The following DAB1 variants were observed in gnomAD, a reference collection of about 807,000 sequenced individuals.
The protein encoded by DAB1 is disabled homolog 1.
Under a neutral mutation model 64.6 loss-of-function variants are expected in DAB1, and 15 were observed. The ratio of observed to expected loss-of-function variants is 0.23; its 90% CI spans 0.16 to 0.36. The LOEUF is 0.36. Among genes scored for constraint, DAB1 ranks in the 10% least tolerant of loss-of-function variants. DAB1 has a pLI of 1.00. For synonymous variants in DAB1, 235 were observed against 251.9 expected (o/e 0.93, Z 0.64); for missense variants, 596 against 706.7 (o/e 0.84, Z 1.78).
chr1:58,130,907 C>T (rs1312825471), intron 5 of DAB1, among the ~76,000 whole-genome samples: 1 of 151,278 alleles, frequency 6.6e-6, no homozygotes, highest in Non-Finnish European at 1.5e-5. Context: ...CCTTCATTTC[C>T]ACTTTGGTGA....
intron 2 of DAB1, among the ~76,000 whole-genome samples, chr1:57,238,679 G>C (rs575790025): frequency 1.3e-5 from 2 of 152,144 alleles, no homozygotes; most frequent in Non-Finnish European, 2.9e-5. Context: ...CTTCCTCCAG[G>C]GCATCTGCAC....
chr1:58,364,948 T>C (rs1033323472), intron 3 of DAB1, among the ~76,000 whole-genome samples: 2 of 152,226 alleles, frequency 1.3e-5, no homozygotes, highest in Non-Finnish European at 2.9e-5. Flanking sequence ...TTACTCTGGT[T>C]GCTGTCATTT....
chr1:58,172,622 G>A (rs537026407), intron 4 of DAB1, among the ~76,000 whole-genome samples: 72 of 152,268 alleles, frequency 4.7e-4, no homozygotes, highest in South Asian at 2.1e-3. Context: ...GACTTATGCC[G>A]CCCGAGATGA....
chr1:57,573,030 A>T (rs555491492), intron 7 of DAB1, among the ~76,000 whole-genome samples: 2 of 152,160 alleles, frequency 1.3e-5, no homozygotes, highest in Non-Finnish European at 2.9e-5. Flanking sequence ...TCAACAAGAG[A>T]TTTGGGCAGG....
chr1:57,556,432 C>T (rs192078396), intron 7 of DAB1, among the ~76,000 whole-genome samples: 1 of 152,154 alleles, frequency 6.6e-6, no homozygotes, highest in Non-Finnish European at 1.5e-5. Context: ...ACATACACTC[C>T]AACATCTATT....
chr1:57,334,970 C>T (rs755284074), intron 1 of DAB1, among the ~76,000 whole-genome samples: 1 of 152,144 alleles, frequency 6.6e-6, no homozygotes, highest in East Asian at 1.9e-4. Context: ...GAGAACTAAC[C>T]TTTCATTTCT....
rs10658621 is a variant in DAB1, at chr1:57,106,257, A to ACCCC, written c.306+30282_306+30285dup. On this transcript the variant is annotated intron_variant, in intron 4 of 14. Transcript: ENST00000371236. ...CCTCCTGTTCATTTATCCCCCTAAC[A>ACCCC]CCCCCCCCCATCAGTATTATCTCTG... Among the ~76,000 whole-genome samples the ACCCC allele has an allele frequency of 3.4e-3, 477 of 138,462 alleles. 9 individuals carry two copies. Among genetic ancestry groups the ACCCC allele is most frequent in the African/African-American group, 8.7e-3 (315 of 36,312 alleles). The allele number at this position is 138,462 out of a possible 152,430, so 90.8% of individuals were successfully genotyped here.
At chr1:57,644,566 TAC>T (rs1187948112) in intron 7 of DAB1, among the ~76,000 whole-genome samples, 1 of 151,890 alleles carries the variant, frequency 6.6e-6, no homozygotes, top group South Asian at 2.1e-4. Context: ...CATATATATA[TAC>T]ACACATACAT....
chr1:58,460,573 C>T (rs980973562), intron 3 of DAB1, among the ~76,000 whole-genome samples: 2 of 152,140 alleles, frequency 1.3e-5, no homozygotes, highest in Non-Finnish European at 2.9e-5. Context: ...TTACTGAACA[C>T]TTACTATGTC....
At chr1:57,490,401 T>A (rs1320584744) in intron 7 of DAB1, among the ~76,000 whole-genome samples, 1 of 152,176 alleles carries the variant, frequency 6.6e-6, no homozygotes, top group East Asian at 1.9e-4. Context: ...ATATTTAATA[T>A]TTTATCACAT....
intron 6 of DAB1, among the ~76,000 whole-genome samples, chr1:57,740,976 G>A (rs886401920): frequency 1.3e-5 from 2 of 152,174 alleles, no homozygotes; most frequent in Non-Finnish European, 2.9e-5. Context: ...AAAGATTGAG[G>A]TGGGGTGTTG....
intron 1 of DAB1, among the ~76,000 whole-genome samples, chr1:57,347,250 C>G (rs1678186627): frequency 6.6e-6 from 1 of 152,192 alleles, no homozygotes. Context: ...ACGGCCCAAA[C>G]ATTTCTCATC....
chr1:58,534,772 C>G lies in DAB1; in HGVS notation n.33-7437G>C, dbSNP rs1012760804. 4.6e-5 allele frequency among the ~76,000 whole-genome samples: 7 copies of G among 151,984 alleles called. No individual in the cohort carries two copies. The South Asian group carries it at 1.5e-3, about 32-fold the overall frequency. ...CAACATGGTGAAACCCCGTCTCTACCGAAAACACAAAAAATTAGCCAGGCG... is the reference window on the plus strand; with the variant it reads ...CAACATGGTGAAACCCCGTCTCTACGGAAAACACAAAAAATTAGCCAGGCG... On this transcript the variant is annotated intron_variant and non_coding_transcript_variant, in intron 1 of 20. Coordinates refer to the DAB1 transcript ENST00000485760.
intron 3 of DAB1, among the ~76,000 whole-genome samples, chr1:58,471,209 C>A (rs1025560225): frequency 1.2e-4 from 19 of 152,126 alleles, no homozygotes; most frequent in African/African-American, 4.3e-4. Context: ...ATGTTGGTAT[C>A]CCCAGGATTT....
chr1:57,973,652 C>T (rs1645851119), intron 5 of DAB1, among the ~76,000 whole-genome samples: 1 of 152,076 alleles, frequency 6.6e-6, no homozygotes, highest in Non-Finnish European at 1.5e-5. Context: ...GGGTGTTACT[C>T]TTGTTTCCCC....
rs36067405 is a variant in DAB1 at position 57,173,808 on chromosome 1, A to ATTT, written c.68-28382_68-28380dup. Among the ~76,000 whole-genome samples the ATTT allele has an allele frequency of 8.1e-3, 1,214 of 149,814 alleles. 23 individuals carry two copies. The highest frequency in any genetic ancestry group is 0.078 in the East Asian group (401 of 5,114). On this transcript the variant is annotated intron_variant, in intron 2 of 14. Transcript: ENST00000371236. ...AGAGTTCCCAGCAATTAGAGAGTAC[A>ATTT]TTTTTTTTTTCACCAAGAAGGAAAA...
chr1:58,469,338 A>G (rs1415597037), intron 3 of DAB1, among the ~76,000 whole-genome samples: 1 of 152,144 alleles, frequency 6.6e-6, no homozygotes, highest in Non-Finnish European at 1.5e-5. Context: ...TATCTCATGC[A>G]GTTGTTATAG....
chr1:57,855,999 G>A (rs896260189), intron 1 of DAB1, among the ~76,000 whole-genome samples: 1 of 152,112 alleles, frequency 6.6e-6, no homozygotes, highest in Non-Finnish European at 1.5e-5. Context: ...GATAGAGTTG[G>A]CAGGATTTAC....
At chr1:58,210,910 T>A (rs568684632) in intron 4 of DAB1, among the ~76,000 whole-genome samples, 1 of 152,188 alleles carries the variant, frequency 6.6e-6, no homozygotes, top group Admixed American at 6.5e-5. Flanking sequence ...ACACTTTCTC[T>A]GAGAACATGT....
Sources: allele counts gnomAD v4.1 joint callset (sites outside exome capture counted in the v4.1 genomes callset), GRCh38; gene constraint gnomAD v4.1.1; transcripts MANE v1.5; gene names NCBI Gene and HGNC (gene_info 2026-07-23, HGNC 2026-07-21).